Variants in PRR16 observed in about 807,000 individuals in gnomAD.
The protein encoded by PRR16 is protein Largen.
A neutral mutation model predicts 18.2 loss-of-function variants in PRR16; 6 were observed. The observed-to-expected ratio is 0.33, with a 90% CI of 0.18 to 0.65. The LOEUF is 0.65. Ranked by LOEUF, PRR16 falls within the 30% of genes least tolerant of loss-of-function variation. The pLI is 0.74. For synonymous variants in PRR16, 151 were observed against 147.8 expected (o/e 1.02, Z -0.16); for missense variants, 412 against 376.6 (o/e 1.09, Z -0.78).
chr5:120,580,872 G>A (rs1328121905), intron 1 of PRR16, among the ~76,000 whole-genome samples: 1 of 152,208 alleles, frequency 6.6e-6, no homozygotes, highest in Non-Finnish European at 1.5e-5. Flanking sequence ...CAGGGATGAA[G>A]CCAACTTGAT....
chr5:120,567,161 T>G (rs1047559000), intron 1 of PRR16, among the ~76,000 whole-genome samples: 2 of 152,210 alleles, frequency 1.3e-5, no homozygotes, highest in Admixed American at 1.3e-4. Flanking sequence ...ATATGCCATT[T>G]AAGCCTATAA....
intron 1 of PRR16, among the ~76,000 whole-genome samples, chr5:120,598,168 T>C (rs1432225118): frequency 6.6e-6 from 1 of 151,978 alleles, no homozygotes; most frequent in Non-Finnish European, 1.5e-5. Context: ...TGCCTTTCTA[T>C]GTATTTGGAA....
At chr5:120,503,455 G>A (rs1031769075) in intron 1 of PRR16, among the ~76,000 whole-genome samples, 3 of 152,084 alleles carry the variant, frequency 2.0e-5, no homozygotes, top group Non-Finnish European at 2.9e-5. Context: ...AGTTATTGCA[G>A]GGAAACCATG....
At chr5:120,501,659 T>G (rs1750457967) in intron 1 of PRR16, among the ~76,000 whole-genome samples, 1 of 151,978 alleles carries the variant, frequency 6.6e-6, no homozygotes, top group South Asian at 2.1e-4. Flanking sequence ...GAACACATAA[T>G]GTAGTCCAGT....
At chr5:120,606,834 A>G (rs149303542) in intron 1 of PRR16, among the ~76,000 whole-genome samples, 1 of 152,244 alleles carries the variant, frequency 6.6e-6, no homozygotes, top group Non-Finnish European at 1.5e-5. Flanking sequence ...TTGGGCCACG[A>G]AACACAAGGC....
intron 1 of PRR16, among the ~76,000 whole-genome samples, chr5:120,552,387 C>T (rs574223997): frequency 6.6e-6 from 1 of 151,722 alleles, no homozygotes; most frequent in African/African-American, 2.4e-5. Flanking sequence ...GGAGTCAAAA[C>T]AATAAGGTGT....
rs536920460 is a variant in PRR16 at position 120,663,089 on chromosome 5, A to G, written c.160-22865A>G. Among the ~76,000 whole-genome samples, 5 of 152,122 alleles carry G rather than the reference A, an allele frequency of 3.3e-5. No homozygotes were observed. The South Asian group carries it at 1.0e-3, about 32-fold the overall frequency. On this transcript the variant is annotated intron_variant, in intron 1 of 1. Transcript: ENST00000407149. ...TTGTCAACCCTGCAGTCTGCCCTAT[A>G]CACTGTCCATCTTTGGTATTCTTTG...
chr5:120,646,548 G>A (rs10434767), intron 1 of PRR16, among the ~76,000 whole-genome samples: 74,877 of 151,740 alleles, frequency 0.49, 19,289 homozygotes, highest in Middle Eastern at 0.6. Context: ...CAGTTCAGAG[G>A]ATGAAATGCA....
chr5:120,729,907 G>A, the PRR16 span, among the ~76,000 whole-genome samples: 2 of 152,116 alleles, frequency 1.3e-5, no homozygotes, highest in South Asian at 4.1e-4. Context: ...CTGTGGTCAA[G>A]TGGCTTTCAA....
At chr5:120,482,965 C>G (rs1327030860) in intron 1 of PRR16, among the ~76,000 whole-genome samples, 1 of 152,114 alleles carries the variant, frequency 6.6e-6, no homozygotes, top group South Asian at 2.1e-4. Flanking sequence ...CTTTGTGTCA[C>G]TTTCATTATT....
the PRR16 span, among the ~76,000 whole-genome samples, chr5:120,793,984 T>C: frequency 1.3e-5 from 2 of 152,278 alleles, no homozygotes; most frequent in East Asian, 3.9e-4. Context: ...GGACCACCAT[T>C]GTATAATATA....
At chr5:120,484,930 T>C (rs1358494089) in intron 1 of PRR16, among the ~76,000 whole-genome samples, 1 of 151,688 alleles carries the variant, frequency 6.6e-6, no homozygotes, top group Admixed American at 6.6e-5. Flanking sequence ...ATCATTTAAA[T>C]ATAATTCTGC....
At chr5:120,721,454 A>G in the PRR16 span, among the ~76,000 whole-genome samples, 1 of 152,050 alleles carries the variant, frequency 6.6e-6, no homozygotes, top group Non-Finnish European at 1.5e-5. Context: ...GTGAGGAGAT[A>G]GTATTTTCAA....
chr5:120,555,788 A>G (rs1199307154), intron 1 of PRR16, among the ~76,000 whole-genome samples: 1 of 149,494 alleles, frequency 6.7e-6, no homozygotes, highest in Non-Finnish European at 1.5e-5. Flanking sequence ...AATCTTCTAA[A>G]TAACCTAGAA....
At chr5:120,691,480 A>G (rs771889496), downstream of PRR16, among the ~76,000 whole-genome samples, 1 of 152,116 alleles carries the variant, frequency 6.6e-6, no homozygotes, top group Non-Finnish European at 1.5e-5. Context: ...CTAAGTTCAA[A>G]GACTATTATT....
chr5:120,652,869 A>G (rs1436406433), intron 1 of PRR16, among the ~76,000 whole-genome samples: 1 of 152,002 alleles, frequency 6.6e-6, no homozygotes, highest in Non-Finnish European at 1.5e-5. Flanking sequence ...CTAATGTAAG[A>G]TGCTAAAAAT....
chr5:120,630,944 A>G (rs1755031558), intron 1 of PRR16, among the ~76,000 whole-genome samples: 1 of 152,198 alleles, frequency 6.6e-6, no homozygotes, highest in South Asian at 2.1e-4. Context: ...TGAGATAAAT[A>G]TAAGTCTCCC....
intron 1 of PRR16, among the ~76,000 whole-genome samples, chr5:120,536,659 C>G (rs1462336983): frequency 4.6e-5 from 7 of 152,200 alleles, no homozygotes; most frequent in Admixed American, 4.6e-4. Flanking sequence ...ACATCTACCT[C>G]TGTCCTCATT....
intron 1 of PRR16, among the ~76,000 whole-genome samples, chr5:120,541,673 G>C (rs1026248586): frequency 3.3e-5 from 5 of 152,122 alleles, no homozygotes; most frequent in African/African-American, 1.2e-4. Context: ...CTAATATTTA[G>C]AGTTTTATAC....
Sources: allele counts gnomAD v4.1 joint callset (sites outside exome capture counted in the v4.1 genomes callset), GRCh38; gene constraint gnomAD v4.1.1; transcripts MANE v1.5; gene names NCBI Gene and HGNC (gene_info 2026-07-23, HGNC 2026-07-21).